The following MGA variants were observed in gnomAD, a reference collection of about 807,000 sequenced individuals.
MGA encodes MAX gene-associated protein.
Under a neutral mutation model 261.1 loss-of-function variants are expected in MGA, and 40 were observed. That is an observed-to-expected ratio of 0.15 (90% CI 0.12 to 0.20). The LOEUF is 0.20. MGA is among the 10% of genes least tolerant of loss of function. MGA has a pLI of 1.00. For missense variants in MGA, 3,397 were observed against 3,630.5 expected (o/e 0.94, Z 1.65); for synonymous variants, 1,302 against 1,290.6 (o/e 1.01, Z -0.19).
intron 9 of MGA, among the ~76,000 whole-genome samples, chr15:41,715,041 G>A (rs903720811): frequency 1.3e-5 from 2 of 150,152 alleles, no homozygotes; most frequent in South Asian, 2.1e-4. Flanking sequence ...TTACATTTTC[G>A]TTTTGTTCAA....
At chr15:41,760,734 GA>G (rs1323910664) in intron 20 of MGA, among the ~76,000 whole-genome samples, 2 of 65,380 alleles carry the variant, frequency 3.1e-5, no homozygotes, top group Admixed American at 4.0e-4. Context: ...TTGAAAGTCA[GA>G]TTTTTTTTTT....
chr15:41,763,668 G>A (rs566526929), intron 22 of MGA, among the ~76,000 whole-genome samples: 3 of 151,886 alleles, frequency 2.0e-5, no homozygotes, highest in East Asian at 2.0e-4. Context: ...ACTTTAACCC[G>A]GAAGGTGGAA....
chr15:41,718,461 C>A, intron 9 of MGA: 2 of 879,450 alleles, frequency 2.3e-6, no homozygotes, highest in East Asian at 2.5e-5. Flanking sequence ...TTTGATTTTT[C>A]GTACAATTTG....
At chr15:41,696,023 G>A (rs1407751590) in intron 2 of MGA, 52 bp from the exon 3 acceptor site, 6 of 1,177,376 alleles carry the variant, frequency 5.1e-6, no homozygotes, top group Non-Finnish European at 7.1e-6. Context: ...TTCAAGTCTT[G>A]TTAATGGATC....
intron 1 of MGA, among the ~76,000 whole-genome samples, chr15:41,651,287 A>G (rs1255152931): frequency 6.6e-6 from 1 of 152,180 alleles, no homozygotes; most frequent in African/African-American, 2.4e-5. Context: ...CATAGTACTT[A>G]TGAGATAAGT....
intron 11 of MGA, among the ~76,000 whole-genome samples, chr15:41,732,281 G>T (rs1444434929): frequency 6.6e-6 from 1 of 151,828 alleles, no homozygotes; most frequent in East Asian, 1.9e-4. Flanking sequence ...CCGAGTAGCT[G>T]GGACTACAGG....
At chr15:41,621,988 G>C (rs2056304962) in intron 1 of MGA, among the ~76,000 whole-genome samples, 2 of 149,170 alleles carry the variant, frequency 1.3e-5, no homozygotes, top group Admixed American at 1.3e-4. Context: ...CTGGGGCCGC[G>C]TGAAGGTCAC....
At chr15:41,679,067 G>A (rs2058530883) in intron 2 of MGA, among the ~76,000 whole-genome samples, 1 of 151,946 alleles carries the variant, frequency 6.6e-6, no homozygotes, top group African/African-American at 2.4e-5. Flanking sequence ...ACTGAGTCTT[G>A]CTCTGTTTCC....
chr15:41,678,537 G>A (rs1186412362), intron 2 of MGA, among the ~76,000 whole-genome samples: 5 of 150,486 alleles, frequency 3.3e-5, no homozygotes, highest in African/African-American at 4.8e-5. Flanking sequence ...AGGCTGAGGC[G>A]GGCGGATCAC....
At chr15:41,734,858 A>G (rs76993212) in intron 12 of MGA, among the ~76,000 whole-genome samples, 1 of 151,782 alleles carries the variant, frequency 6.6e-6, no homozygotes, top group African/African-American at 2.4e-5. Context: ...GAGGTCAGTG[A>G]GTTTTTTTTT....
intron 2 of MGA, among the ~76,000 whole-genome samples, chr15:41,692,700 T>C (rs559615049): frequency 3.7e-4 from 56 of 152,338 alleles, no homozygotes; most frequent in Non-Finnish European, 6.8e-4. Flanking sequence ...GTGGAAATCT[T>C]CCATTGGAGG....
In MGA at chr15:41,748,702, C is replaced by G. The variant is rs1271733123; in HGVS notation, c.5278C>G (p.Pro1760Ala). ...TCCTAACACAGTGAAACGTGCTGGA[C>G]CTCGATTGTTGTTGATTCCAGTGCA... Residue 1760 changes from proline (P) to alanine (A), a missense_variant, in exon 16 of 24, where the codon CCT becomes GCT. Pro to Ala is a conservative substitution (Grantham distance 27, BLOSUM62 -1). Transcript: ENST00000219905. The G allele has an allele frequency of 2.5e-6, 4 of 1,613,962 alleles. No homozygotes were observed. Among genetic ancestry groups the G allele is most frequent in the Non-Finnish European group, 2.5e-6 (3 of 1,179,894 alleles).
intron 3 of MGA, 77 bp from the exon 4 acceptor site, chr15:41,698,785 GT>G (rs1001911368): frequency 2.1e-5 from 24 of 1,163,042 alleles, no homozygotes; most frequent in Non-Finnish European, 2.5e-5. Context: ...TGGTCTTTAA[GT>G]TTTTTTTAAT....
chr15:41,759,281 T>G (rs780950024), intron 19 of MGA, among the ~76,000 whole-genome samples: 2 of 152,098 alleles, frequency 1.3e-5, no homozygotes, highest in African/African-American at 4.8e-5. Flanking sequence ...ATAGATAGCA[T>G]TGAAAATGGA....
At chr15:41,744,428 C>G (rs919771899) in intron 15 of MGA, among the ~76,000 whole-genome samples, 25 of 152,026 alleles carry the variant, frequency 1.6e-4, no homozygotes, top group African/African-American at 6.0e-4. Flanking sequence ...TGATCTCAGT[C>G]TCCGTGATCT....
At chr15:41,653,678 A>AT (rs2057111907) in intron 1 of MGA, among the ~76,000 whole-genome samples, 1 of 149,240 alleles carries the variant, frequency 6.7e-6, no homozygotes, top group Non-Finnish European at 1.5e-5. Flanking sequence ...ACTGCACTCC[A>AT]TCCAGCCTGG....
chr15:41,711,490 A>G (rs145620947), intron 8 of MGA, 141 bp downstream of exon 8: 17,506 of 815,594 alleles, frequency 0.021, 246 homozygotes, highest in South Asian at 0.046. Context: ...AACTAAGGCT[A>G]TGTCTTCCCC....
chr15:41,702,290 T>A lies in MGA; in HGVS notation c.2188+3131T>A, dbSNP rs540823684. 3.2e-4 allele frequency among the ~76,000 whole-genome samples: 48 copies of A among 147,924 alleles called. 1 individual carries two copies. The South Asian group carries it at 0.01, about 31-fold the overall frequency. On this transcript the variant is annotated intron_variant, in intron 5 of 23. Transcript: ENST00000219905. Reference sequence around the variant, plus strand: ...GTGAGCCGAGATCGCGCCACCACACTCCAGCCTGGGCGACACAGTGAGACA... The same window carrying A: ...GTGAGCCGAGATCGCGCCACCACACACCAGCCTGGGCGACACAGTGAGACA...
rs577852317 is a variant in MGA, at chr15:41,701,154, T to C, written c.2188+1995T>C. On this transcript the variant is annotated intron_variant, in intron 5 of 23. Coordinates refer to ENST00000219905, the MANE Select transcript of MGA (RefSeq NM_001164273.2). ...CTTCTGCTATTTTATTTAAATAATA[T>C]TATCTTATTTCTCCCTATCTTTTTT... Among the ~76,000 whole-genome samples the C allele has an allele frequency of 5.9e-5, 9 of 152,292 alleles. No homozygotes were observed. The South Asian group carries it at 1.9e-3, about 32-fold the overall frequency.
Sources: gnomAD v4.1 joint callset for allele counts (sites outside exome capture counted in the v4.1 genomes callset) on GRCh38, gnomAD v4.1.1 for gene constraint, MANE v1.5 for transcripts, NCBI Gene and HGNC (gene_info 2026-07-23, HGNC 2026-07-21) for gene names.